PTPRT: variants seen among roughly 807,000 people sequenced by gnomAD.
PTPRT encodes the protein receptor-type tyrosine-protein phosphatase T.
Under a neutral mutation model 176.8 loss-of-function variants are expected in PTPRT, and 56 were observed. The ratio of observed to expected loss-of-function variants is 0.32; its 90% CI spans 0.26 to 0.40. The LOEUF is 0.40. PTPRT is among the 10% of genes least tolerant of loss of function. The pLI is 1.00. For synonymous variants in PTPRT, 783 were observed against 739.0 expected, an observed-to-expected ratio of 1.06 and a Z score of -0.96; for missense variants, 1,540 against 1,908.2, an observed-to-expected ratio of 0.81 and a Z score of 3.60.
chr20:42,077,733 G>A lies in PTPRT; in HGVS notation c.*3146C>T, dbSNP rs1347702704. On this transcript the variant is annotated 3_prime_UTR_variant, in exon 31 of 31. Transcript: ENST00000373187. ...ATTCACTGTCCTGCTTTAGAGAATG[G>A]TTGGGTTGTGGGAAAATAAGGGGAT... The A allele has an allele frequency of 4.9e-6, 1 of 205,424 alleles. No homozygotes were observed. Among genetic ancestry groups the A allele is most frequent in the African/African-American group, 2.4e-5 (1 of 42,536 alleles). The allele number at this position is 205,424 out of a possible 1,614,324, so 12.7% of individuals were successfully genotyped here.
In PTPRT at chr20:42,575,999, C is replaced by T. The variant is rs141599838; in HGVS notation, c.1153+101867G>A. Among the ~76,000 whole-genome samples the T allele has an allele frequency of 7.2e-5, 11 of 152,276 alleles. No homozygotes were observed. The East Asian group carries it at 1.5e-3, about 21-fold the overall frequency. On this transcript the variant is annotated intron_variant, in intron 7 of 30. Coordinates refer to ENST00000373187, the MANE Select transcript of PTPRT (RefSeq NM_007050.6). ...CTGCTTAAAACTCTTCAGAGGTTCACCATCGCTTCCAGAAAAAGATCAATA... is the reference window on the plus strand; with the variant it reads ...CTGCTTAAAACTCTTCAGAGGTTCATCATCGCTTCCAGAAAAAGATCAATA...
intron 7 of PTPRT, among the ~76,000 whole-genome samples, chr20:42,601,836 A>C (rs2073787812): frequency 6.6e-6 from 1 of 152,166 alleles, no homozygotes; most frequent in South Asian, 2.1e-4. Flanking sequence ...CTGGTTCCCA[A>C]GAACATCTCT....
intron 2 of PTPRT, among the ~76,000 whole-genome samples, chr20:42,840,559 T>C (rs1410236548): frequency 6.6e-6 from 1 of 152,014 alleles, no homozygotes; most frequent in Non-Finnish European, 1.5e-5. Context: ...ATTACAGGCA[T>C]GCACCACCAA....
At chr20:42,993,202 C>T (rs751935925) in intron 1 of PTPRT, among the ~76,000 whole-genome samples, 6 of 151,616 alleles carry the variant, frequency 4.0e-5, no homozygotes, top group South Asian at 2.1e-4. Context: ...GTGGATCACA[C>T]GGTCAAGAGA....
At chr20:42,809,330 T>C (rs930866432) in intron 2 of PTPRT, among the ~76,000 whole-genome samples, 1 of 152,018 alleles carries the variant, frequency 6.6e-6, no homozygotes, top group Non-Finnish European at 1.5e-5. Context: ...TGACTCCAGG[T>C]GCCAGGTGTG....
intron 2 of PTPRT, among the ~76,000 whole-genome samples, chr20:42,867,906 T>A (rs2078777032): frequency 6.6e-6 from 1 of 152,052 alleles, no homozygotes; most frequent in Admixed American, 6.5e-5. Context: ...GGTCTCAAAC[T>A]CCTGACCTCA....
intron 9 of PTPRT, among the ~76,000 whole-genome samples, chr20:42,381,803 A>C (rs2058700725): frequency 6.6e-6 from 1 of 152,204 alleles, no homozygotes; most frequent in African/African-American, 2.4e-5. Context: ...AATAATGTTC[A>C]TCTTTACTGT....
chr20:42,283,916 C>T (rs6016735), intron 12 of PTPRT, among the ~76,000 whole-genome samples: 4,576 of 152,124 alleles, frequency 0.03, 260 homozygotes, highest in African/African-American at 0.1. Context: ...AAGTATGACT[C>T]CCCATAATTA....
chr20:42,503,964 A>T (rs1023346256), intron 7 of PTPRT, among the ~76,000 whole-genome samples: 5 of 152,068 alleles, frequency 3.3e-5, no homozygotes, highest in African/African-American at 1.2e-4. Context: ...CCTTCATCAC[A>T]ATCTAAACAA....
intron 1 of PTPRT, among the ~76,000 whole-genome samples, chr20:43,027,721 T>G (rs1354773781): frequency 6.6e-6 from 1 of 152,134 alleles, no homozygotes; most frequent in African/African-American, 2.4e-5. Context: ...ATTTCTGTTG[T>G]TTAGGACACT....
intron 8 of PTPRT, among the ~76,000 whole-genome samples, chr20:42,470,040 A>G (rs1601083906): frequency 1.3e-5 from 2 of 152,208 alleles, no homozygotes; most frequent in Admixed American, 1.3e-4. Context: ...GAAAATGAAA[A>G]AAAGAAAACA....
At chr20:42,735,327 G>C (rs2076523020) in intron 6 of PTPRT, among the ~76,000 whole-genome samples, 1 of 152,078 alleles carries the variant, frequency 6.6e-6, no homozygotes, top group Non-Finnish European at 1.5e-5. Flanking sequence ...CTTGACCCCT[G>C]AGCTGTCCTT....
chr20:42,933,304 T>C (rs1979979579), intron 1 of PTPRT, among the ~76,000 whole-genome samples: 1 of 152,256 alleles, frequency 6.6e-6, no homozygotes, highest in Non-Finnish European at 1.5e-5. Context: ...GAAAGGCCTT[T>C]ATTTATCCTC....
chr20:42,600,785 C>T (rs1569007265), intron 7 of PTPRT, among the ~76,000 whole-genome samples: 1 of 152,136 alleles, frequency 6.6e-6, no homozygotes, highest in Non-Finnish European at 1.5e-5. Context: ...AAAATACATA[C>T]TTTTATTCTT....
intron 15 of PTPRT, among the ~76,000 whole-genome samples, chr20:42,205,959 T>TTC (rs1308316616): frequency 2.0e-5 from 3 of 152,148 alleles, no homozygotes; most frequent in African/African-American, 7.2e-5. Context: ...CTATAGCATC[T>TTC]TCTCATTTCA....
At chr20:42,136,232 C>CTGTTTT in intron 18 of PTPRT, among the ~76,000 whole-genome samples, 1 of 63,032 alleles carries the variant, frequency 1.6e-5, no homozygotes, top group Non-Finnish European at 2.7e-5. Flanking sequence ...AAGAACAGTG[C>CTGTTTT]TTTTTTTTTT....
the PTPRT span, among the ~76,000 whole-genome samples, chr20:42,056,196 A>G: frequency 1.3e-5 from 2 of 152,168 alleles, no homozygotes; most frequent in African/African-American, 4.8e-5. Context: ...TCAGATATTT[A>G]GCAGTATTTG....
chr20:42,107,806 G>GA (rs1301542564), intron 23 of PTPRT, among the ~76,000 whole-genome samples: 2 of 152,240 alleles, frequency 1.3e-5, no homozygotes, highest in Non-Finnish European at 2.9e-5. Flanking sequence ...GAGGAAGAGA[G>GA]ATGGAACAAG....
intron 1 of PTPRT, among the ~76,000 whole-genome samples, chr20:42,975,237 A>G (rs1323763678): frequency 1.3e-5 from 2 of 152,220 alleles, no homozygotes; most frequent in Non-Finnish European, 2.9e-5. Flanking sequence ...ACTCAAAGCT[A>G]TTTTTACAAA....
Sources: gnomAD v4.1 joint callset for allele counts (sites outside exome capture counted in the v4.1 genomes callset) on GRCh38, gnomAD v4.1.1 for gene constraint, MANE v1.5 for transcripts, NCBI Gene and HGNC (gene_info 2026-07-23, HGNC 2026-07-21) for gene names.